The following KRT8 variants were observed in gnomAD, a reference collection of about 807,000 sequenced individuals.
KRT8 encodes the protein keratin 8, also known as keratin, type II cytoskeletal 8.
KRT8 carries 24 observed loss-of-function variants against 43.0 expected under a neutral mutation model. That is an observed-to-expected ratio of 0.56 (90% CI 0.40 to 0.78). The LOEUF is 0.78. Ranked by LOEUF, KRT8 falls within the 30% of genes least tolerant of loss-of-function variation. The pLI, the probability that KRT8 is intolerant of heterozygous loss-of-function variation, is 0.00. For missense variants in KRT8, 492 were observed against 638.4 expected, an observed-to-expected ratio of 0.77 and a Z score of 2.47; for synonymous variants, 214 against 261.2, an observed-to-expected ratio of 0.82 and a Z score of 1.74.
intron 2 of KRT8, among the ~76,000 whole-genome samples, chr12:52,943,731 A>G (rs952498838): frequency 1.3e-5 from 2 of 152,172 alleles, no homozygotes; most frequent in African/African-American, 4.8e-5. Flanking sequence ...TGACCCTGGC[A>G]TCCATACCTC....
chr12:52,910,271 C>A (rs939147752), upstream of KRT8, among the ~76,000 whole-genome samples: 2 of 152,236 alleles, frequency 1.3e-5, no homozygotes, highest in Non-Finnish European at 2.9e-5. Flanking sequence ...TCAGGTCGCA[C>A]CCCGTCTGCA....
chr12:52,899,787 G>T lies in KRT8; in HGVS notation c.969C>A (p.Gly323=), dbSNP rs755176052. Residue 323 remains glycine, a synonymous_variant, in exon 5 of 8, where the codon GGC becomes GGA. Transcript: ENST00000692008. ...ACCCGGCCCATACCTGGCCTTTGAGGCCCTCAATCTCAGCCTGGAGCCGGC... is the reference window on the plus strand; with the variant it reads ...ACCCGGCCCATACCTGGCCTTTGAGTCCCTCAATCTCAGCCTGGAGCCGGC... 4 of 1,611,882 alleles carry T rather than the reference G, an allele frequency of 2.5e-6. No individual in the cohort carries two copies. In the East Asian group the frequency reaches 6.7e-5, roughly 27 times the overall value.
chr12:52,921,195 T>C (rs186087766), intron 2 of KRT8, among the ~76,000 whole-genome samples: 1 of 152,314 alleles, frequency 6.6e-6, no homozygotes, highest in Non-Finnish European at 1.5e-5. Context: ...CCTACAGAAC[T>C]CCAGGCAGAG....
At chr12:52,910,679 G>A (rs1941618348), upstream of KRT8, among the ~76,000 whole-genome samples, 1 of 152,198 alleles carries the variant, frequency 6.6e-6, no homozygotes, top group African/African-American at 2.4e-5. Context: ...AAGCCCTCAT[G>A]GTGTTCAGGC....
chr12:52,942,018 G>C (rs1942276294), intron 2 of KRT8, among the ~76,000 whole-genome samples: 1 of 152,108 alleles, frequency 6.6e-6, no homozygotes, highest in East Asian at 1.9e-4. Flanking sequence ...GCTTGTCATA[G>C]CACCAATCAC....
At chr12:52,933,546 G>A (rs1942117901) in intron 2 of KRT8, among the ~76,000 whole-genome samples, 1 of 152,212 alleles carries the variant, frequency 6.6e-6, no homozygotes, top group African/African-American at 2.4e-5. Flanking sequence ...TTTTTATATA[G>A]AAACTAACAA....
intron 2 of KRT8, among the ~76,000 whole-genome samples, chr12:52,927,181 G>A (rs78642094): frequency 5.1e-4 from 78 of 152,284 alleles, no homozygotes; most frequent in Admixed American, 3.7e-3. Context: ...CCAGGGAGGA[G>A]ATTCAGGACA....
At chr12:52,916,372 T>A (rs75823692) in intron 2 of KRT8, among the ~76,000 whole-genome samples, 3,605 of 152,298 alleles carry the variant, frequency 0.024, 74 homozygotes, top group Admixed American at 0.052. Flanking sequence ...GGCAGTTGAC[T>A]GCATGGGCGT....
chr12:52,927,231 AC>A (rs2120684339), intron 2 of KRT8, among the ~76,000 whole-genome samples: 1 of 152,236 alleles, frequency 6.6e-6, no homozygotes, highest in Non-Finnish European at 1.5e-5. Flanking sequence ...AGTTTGATAG[AC>A]CCAGGAGAGT....
intron 2 of KRT8, among the ~76,000 whole-genome samples, chr12:52,928,248 G>A (rs1942027266): frequency 6.6e-6 from 1 of 152,106 alleles, no homozygotes; most frequent in African/African-American, 2.4e-5. Flanking sequence ...TGTCTCCTCT[G>A]AGAGCCCAAA....
At chr12:52,901,263 A>T in intron 2 of KRT8, 44 bp from the exon 3 acceptor site, 1 of 1,462,600 alleles carries the variant, frequency 6.8e-7, no homozygotes, top group Non-Finnish European at 9.6e-7. Context: ...GGCAAAAGGG[A>T]GGTTGCCCTT....
chr12:52,900,105 C>A, intron 4 of KRT8, 40 bp from the exon 5 acceptor site: 1 of 1,601,958 alleles, frequency 6.2e-7, no homozygotes, highest in Non-Finnish European at 8.5e-7. Context: ...CCTGTCTCTG[C>A]ACACAGGGAG....
chr12:52,937,360 A>G (rs7315310), intron 2 of KRT8, among the ~76,000 whole-genome samples: 93,934 of 150,426 alleles, frequency 0.62, 30,559 homozygotes, highest in African/African-American at 0.8. Context: ...GCAACAGAAC[A>G]AGACTCGGTC....
intron 2 of KRT8, among the ~76,000 whole-genome samples, chr12:52,937,141 C>T (rs1018019658): frequency 6.6e-6 from 1 of 151,856 alleles, no homozygotes; most frequent in African/African-American, 2.4e-5. Context: ...GAGGCTGAGG[C>T]GGGTGGACTG....
At chr12:52,941,067 AT>A (rs10706288) in intron 2 of KRT8, among the ~76,000 whole-genome samples, 50,324 of 141,766 alleles carry the variant, frequency 0.35, 11,199 homozygotes, top group East Asian at 0.69. Flanking sequence ...CAATACATTA[AT>A]TTTTTTTTTT....
intron 2 of KRT8, among the ~76,000 whole-genome samples, chr12:52,945,509 G>A (rs1247371176): frequency 1.3e-5 from 2 of 152,176 alleles, no homozygotes; most frequent in African/African-American, 4.8e-5. Flanking sequence ...AAGGCGGAAG[G>A]ACTGCAGGCC....
intron 2 of KRT8, chr12:52,949,378 G>A (rs11551624): frequency 6.2e-7 from 1 of 1,610,770 alleles, no homozygotes; most frequent in East Asian, 2.2e-5. Context: ...CGGGATAGCC[G>A]GGGGTCTGGC....
chr12:52,949,287 C>G, intron 2 of KRT8: 1 of 1,486,378 alleles, frequency 6.7e-7, no homozygotes. Flanking sequence ...TCTATGCAGG[C>G]GCTGGGGGCT....
At chr12:52,926,775 T>C (rs992330458) in intron 2 of KRT8, among the ~76,000 whole-genome samples, 3 of 152,144 alleles carry the variant, frequency 2.0e-5, no homozygotes, top group African/African-American at 7.2e-5. Context: ...CTCTAAGAAG[T>C]AATGTGCCCA....
Sources: allele counts gnomAD v4.1 joint callset (sites outside exome capture counted in the v4.1 genomes callset), GRCh38; gene constraint gnomAD v4.1.1; transcripts MANE v1.5; gene names NCBI Gene and HGNC (gene_info 2026-07-23, HGNC 2026-07-21).